The following KCNV2 variants were observed in gnomAD, a reference collection of about 807,000 sequenced individuals.
KCNV2 encodes potassium voltage-gated channel subfamily V member 2.
KCNV2 carries 65 observed loss-of-function variants against 37.0 expected under a neutral mutation model. The ratio of observed to expected loss-of-function variants is 1.76; its 90% confidence interval spans 1.44 to 2.16. The LOEUF is 2.16. KCNV2 is among the 30% of genes most tolerant of loss of function. The pLI is 0.00. For missense variants in KCNV2, 1,232 were observed against 766.7 expected, an observed-to-expected ratio of 1.61 and a Z score of -7.17; for synonymous variants, 518 against 328.6, an observed-to-expected ratio of 1.58 and a Z score of -6.23.
chr9:2,728,432 A>G (rs2130868479), intron 1 of KCNV2, among the ~76,000 whole-genome samples: 1 of 152,344 alleles, frequency 6.6e-6, no homozygotes, highest in African/African-American at 2.4e-5. Flanking sequence ...AGGCATAAAA[A>G]ACAGTCCCCA....
chr9:2,719,625 G>T (rs1014691268), intron 1 of KCNV2, among the ~76,000 whole-genome samples: 1 of 152,198 alleles, frequency 6.6e-6, no homozygotes, highest in Non-Finnish European at 1.5e-5. Flanking sequence ...GTGGAAAGAA[G>T]CATCTCAAAC....
rs1423596411 is a variant in KCNV2, at chr9:2,718,107, T to C, written c.368T>C (p.Leu123Pro). Residue 123 changes from leucine to proline, a missense_variant, in exon 1 of 2, where the codon CTA (leucine) becomes CCA (proline). Coordinates refer to ENST00000382082, the MANE Select transcript of KCNV2 (RefSeq NM_133497.4). ...CELAGFPKTR[L>P]GRLATSTSRS... Reference sequence around the variant, plus strand: ...CTGGCCGGCTTCCCCAAGACGCGCCTAGGTCGCCTGGCCACCTCCACCAGC... The same window carrying C: ...CTGGCCGGCTTCCCCAAGACGCGCCCAGGTCGCCTGGCCACCTCCACCAGC... 6.2e-7 allele frequency: 1 copy of C among 1,600,722 alleles called. No homozygotes were observed. Among genetic ancestry groups the C allele is most frequent in the Non-Finnish European group, 8.5e-7 (1 of 1,173,860 alleles).
At chr9:2,726,751 G>C (rs758109247) in intron 1 of KCNV2, among the ~76,000 whole-genome samples, 18 of 152,064 alleles carry the variant, frequency 1.2e-4, no homozygotes, top group African/African-American at 3.4e-4. Flanking sequence ...TTAGGAACCC[G>C]GCCACACAGC....
intron 1 of KCNV2, among the ~76,000 whole-genome samples, chr9:2,728,461 T>G (rs1820003843): frequency 6.6e-6 from 1 of 152,240 alleles, no homozygotes; most frequent in South Asian, 2.1e-4. Flanking sequence ...TCACAGGGTT[T>G]TCTCTGGTAA....
In KCNV2 at chr9:2,718,046, G is replaced by C; in HGVS notation, c.307G>C (p.Val103Leu). ...PALLSTLNVN[V>L]GGHSYQLDYC... is the part of the protein sequence containing the mutation. ...CCTGCTGTCCACGCTGAATGTGAAC[G>C]TGGGTGGCCACAGCTACCAGCTGGA... Residue 103 changes from valine to leucine, a missense_variant, in exon 1 of 2, where the codon GTG (valine) becomes CTG (leucine). Transcript: ENST00000382082. The C allele has an allele frequency of 1.2e-6, 2 of 1,610,114 alleles. No individual in the cohort carries two copies. The highest frequency in any genetic ancestry group is 2.2e-5 in the South Asian group (2 of 90,632).
intron 1 of KCNV2, among the ~76,000 whole-genome samples, chr9:2,727,098 A>G (rs1390876461): frequency 6.6e-6 from 1 of 152,082 alleles, no homozygotes; most frequent in Non-Finnish European, 1.5e-5. Context: ...GGCCTCCTCC[A>G]GGGAAGGTTG....
At chr9:2,719,894 T>C (rs746365152) in intron 1 of KCNV2, among the ~76,000 whole-genome samples, 1 of 152,292 alleles carries the variant, frequency 6.6e-6, no homozygotes, top group Non-Finnish European at 1.5e-5. Flanking sequence ...TTTTTGTCAT[T>C]GTTTTCTTTG....
chr9:2,719,553 T>A (rs550572928), intron 1 of KCNV2, among the ~76,000 whole-genome samples: 2 of 152,242 alleles, frequency 1.3e-5, no homozygotes, highest in East Asian at 3.9e-4. Flanking sequence ...AGGTGAGACT[T>A]GGCTGAACCA....
In KCNV2 at chr9:2,718,730, G is replaced by A. The variant is rs545829113; in HGVS notation, c.991G>A (p.Ala331Thr). Residue 331 changes from alanine (A) to threonine (T), a missense_variant, in exon 1 of 2, where the codon GCG (alanine) becomes ACG (threonine). Ala to Thr is a moderately conservative substitution (Grantham distance 58, BLOSUM62 0). Transcript: ENST00000382082. ...CTCCACGCCCGACCTGAGGCGCTTC[G>A]CGCGCAGCGCCCTCAACCTGGTGGA... ...LASTPDLRRF[A>T]RSALNLVDLV... 8 of 1,612,440 alleles carry A rather than the reference G, an allele frequency of 5.0e-6. No homozygotes were observed. In the East Asian group the frequency reaches 6.7e-5, roughly 13 times the overall value.
At chr9:2,727,377 T>C (rs1244433772) in intron 1 of KCNV2, among the ~76,000 whole-genome samples, 3 of 152,114 alleles carry the variant, frequency 2.0e-5, no homozygotes, top group Non-Finnish European at 2.9e-5. Flanking sequence ...GGCACATGTA[T>C]ACATATGTAA....
At chr9:2,722,724 T>C (rs1452766127) in intron 1 of KCNV2, among the ~76,000 whole-genome samples, 1 of 152,092 alleles carries the variant, frequency 6.6e-6, no homozygotes, top group East Asian at 1.9e-4. Context: ...ATTTAGCTCA[T>C]GAATTTAAAA....
chr9:2,722,653 C>G (rs1185621493), intron 1 of KCNV2, among the ~76,000 whole-genome samples: 3 of 148,310 alleles, frequency 2.0e-5, no homozygotes, highest in Admixed American at 6.6e-5. Context: ...TTCTTTATTG[C>G]CATAATAACG....
intron 1 of KCNV2, among the ~76,000 whole-genome samples, chr9:2,723,289 T>G (rs1819913047): frequency 6.6e-6 from 1 of 152,216 alleles, no homozygotes; most frequent in South Asian, 2.1e-4. Flanking sequence ...AGAGAGTTTC[T>G]CTTATCCATT....
intron 1 of KCNV2, among the ~76,000 whole-genome samples, chr9:2,726,696 G>T (rs1481312835): frequency 6.6e-6 from 1 of 152,064 alleles, no homozygotes; most frequent in Admixed American, 6.5e-5. Context: ...TCTAAACCAG[G>T]GGTCCCCAAT....
intron 1 of KCNV2, among the ~76,000 whole-genome samples, chr9:2,724,011 A>AT (rs34210075): frequency 0.11 from 7,185 of 66,690 alleles, 593 homozygotes; most frequent in African/African-American, 0.31. Context: ...TTTTTTTCTT[A>AT]TTTTTTTTTT....
chr9:2,726,497 AAAG>A (rs1000161880), intron 1 of KCNV2, among the ~76,000 whole-genome samples: 1 of 152,212 alleles, frequency 6.6e-6, no homozygotes, highest in Non-Finnish European at 1.5e-5. Flanking sequence ...GCCAAAAAAA[AAAG>A]AAGTTTGGCT....
In KCNV2 at chr9:2,718,078, C is replaced by T. The variant is rs202036979; in HGVS notation, c.339C>T (p.Cys113=). 1.9e-6 allele frequency: 3 copies of T among 1,601,012 alleles called. No homozygotes were observed. Among genetic ancestry groups the T allele is most frequent in the Admixed American group, 1.7e-5 (1 of 57,366 alleles). Residue 113 remains cysteine, a synonymous_variant, in exon 1 of 2, where the codon TGC becomes TGT. Coordinates refer to ENST00000382082, the MANE Select transcript of KCNV2 (RefSeq NM_133497.4). ...GCCACAGCTACCAGCTGGACTACTGCGAGCTGGCCGGCTTCCCCAAGACGC... is the reference window on the plus strand; with the variant it reads ...GCCACAGCTACCAGCTGGACTACTGTGAGCTGGCCGGCTTCCCCAAGACGC... ...VGGHSYQLDY[C]ELAGFPKTRL... is the part of the protein sequence containing the mutation.
In KCNV2 at chr9:2,718,856, G is replaced by C; in HGVS notation, c.1117G>C (p.Gly373Arg). ...GACGGTGGGCAGCGTGGGTAAGGTG[G>C]GTCAGGTGTTGCGCGTCATGCGCCT... ...GQTVGSVGKV[G>R]QVLRVMRLMR... Residue 373 changes from glycine to arginine, a missense_variant, in exon 1 of 2, where the codon GGT (glycine) becomes CGT (arginine). Coordinates refer to ENST00000382082, the MANE Select transcript of KCNV2 (RefSeq NM_133497.4). The C allele has an allele frequency of 6.2e-7, 1 of 1,609,290 alleles. No individual in the cohort carries two copies. The highest frequency in any genetic ancestry group is 8.5e-7 in the Non-Finnish European group (1 of 1,179,952).
intron 1 of KCNV2, among the ~76,000 whole-genome samples, chr9:2,722,250 T>C (rs1357863302): frequency 2.1e-5 from 3 of 141,456 alleles, no homozygotes; most frequent in Non-Finnish European, 4.7e-5. Context: ...TTAGAAGTTA[T>C]TTATTTACAA....
Sources: gnomAD v4.1 joint callset for allele counts (sites outside exome capture counted in the v4.1 genomes callset) on GRCh38, gnomAD v4.1.1 for gene constraint, MANE v1.5 for transcripts, NCBI Gene and HGNC (gene_info 2026-07-23, HGNC 2026-07-21) for gene names.